The following SLC13A5 variants were observed in gnomAD, a reference collection of about 807,000 sequenced individuals.
The protein encoded by SLC13A5 is solute carrier family 13 member 5.
A neutral mutation model predicts 56.5 loss-of-function variants in SLC13A5; 25 were observed. That is an observed-to-expected ratio of 0.44 (90% CI 0.32 to 0.62). The LOEUF (loss-of-function observed/expected upper bound fraction) is 0.62, where lower values mean the gene tolerates loss of function less well. SLC13A5 is among the 20% of genes least tolerant of loss of function. SLC13A5 has a pLI of 0.04. For synonymous variants in SLC13A5, 307 were observed against 301.5 expected (o/e 1.02, Z -0.19); for missense variants, 649 against 737.8 (o/e 0.88, Z 1.39).
chr17:6,695,121 A>C (rs1330496858), intron 7 of SLC13A5, among the ~76,000 whole-genome samples: 1 of 152,172 alleles, frequency 6.6e-6, no homozygotes, highest in Non-Finnish European at 1.5e-5. Context: ...AATCTCTCTC[A>C]TCACAGCTCT....
chr17:6,703,231 A>T, intron 4 of SLC13A5, 93 bp from the exon 5 acceptor site: 1 of 1,487,818 alleles, frequency 6.7e-7, no homozygotes, highest in African/African-American at 1.4e-5. Context: ...GAGGATTGGG[A>T]AATCCCAGCT....
At chr17:6,704,890 C>T (rs1488361097) in intron 3 of SLC13A5, 2 of 153,430 alleles carry the variant, frequency 1.3e-5, no homozygotes, top group Non-Finnish European at 2.9e-5. Flanking sequence ...GGGTTCAAAG[C>T]ACCTGTTTCC....
At position 6,711,506 on chromosome 17, in the gene SLC13A5, GTA is replaced by G. The variant is rs1491380708; in HGVS notation, c.102+1724_102+1725del. ...TCAGGGTGTGTGTGTGTGTGTGTGT[GTA>G]TGTGTATGTGTGTGTTTGTGTTTTT... is the stretch of plus-strand genomic sequence containing the variant. On this transcript the variant is annotated intron_variant, in intron 1 of 11. Coordinates refer to ENST00000433363, the MANE Select transcript of SLC13A5 (RefSeq NM_177550.5). The surrounding 1 kb of genome is among the most constrained non-coding windows in gnomAD (Gnocchi z 4.0). 7.0e-5 allele frequency among the ~76,000 whole-genome samples: 8 copies of G among 114,816 alleles called. No individual in the cohort carries two copies. Among genetic ancestry groups the G allele is most frequent in the African/African-American group, 1.3e-4 (2 of 16,000 alleles). 75.3% of individuals were successfully genotyped at this position (114,816 alleles called of 152,430 possible). A position where few individuals can be genotyped will look rare whatever the true frequency, so the allele number is the denominator to read the frequency against.
Position 6,701,228 on chromosome 17 carries a change from C to T in SLC13A5, c.717-102G>A. ...AGCAGCTGGGCCCTGAGAGGCGCGC[C>T]TGTGTGGAGGCCACATCCTCCTGAG... On this transcript the variant is annotated intron_variant, in intron 5 of 11. Coordinates refer to ENST00000433363, the MANE Select transcript of SLC13A5 (RefSeq NM_177550.5). This position sits in a 1 kb window ranked among gnomAD's most constrained non-coding sequence, Gnocchi z 4.1. 6.6e-7 allele frequency: 1 copy of T among 1,509,714 alleles called. No individual in the cohort carries two copies. 93.5% of individuals were successfully genotyped at this position (1,509,714 alleles called of 1,614,324 possible). A position where few individuals can be genotyped will look rare whatever the true frequency, so the allele number is the denominator to read the frequency against.
intron 4 of SLC13A5, 88 bp from the exon 5 acceptor site, chr17:6,703,226 T>C (rs1379176401): frequency 6.6e-6 from 10 of 1,518,684 alleles, no homozygotes; most frequent in Non-Finnish European, 9.0e-6. Flanking sequence ...GACCTGAGGA[T>C]TGGGAAATCC....
At chr17:6,699,063 A>G (rs1973636562) in intron 6 of SLC13A5, among the ~76,000 whole-genome samples, 1 of 138,154 alleles carries the variant, frequency 7.2e-6, no homozygotes, top group African/African-American at 2.7e-5. Flanking sequence ...AAATAAATAA[A>G]TAAATAAATA....
At position 6,693,178 on chromosome 17, in the gene SLC13A5, AACACACACACACACACACAC is replaced by A. The variant is rs200900896; in HGVS notation, c.1157-36_1157-17del. 550 of 697,874 alleles carry A rather than the reference AACACACACACACACACACAC, an allele frequency of 7.9e-4. No individual in the cohort carries two copies. In the East Asian group the frequency reaches 0.01, roughly 13 times the overall value. 43.2% of individuals were successfully genotyped at this position (697,874 alleles called of 1,614,324 possible). A position where few individuals can be genotyped will look rare whatever the true frequency, so the allele number is the denominator to read the frequency against. On this transcript the variant is annotated splice_polypyrimidine_tract_variant and intron_variant, in intron 8 of 11. Transcript: ENST00000433363. ...GTTTTCCTTTCTGGGAAGAAAAAGA[AACACACACACACACACACAC>A]ACACACACACACACACACACACACA...
At chr17:6,703,256 G>A in intron 4 of SLC13A5, 118 bp from the exon 5 acceptor site, 1 of 1,237,496 alleles carries the variant, frequency 8.1e-7, no homozygotes, top group Non-Finnish European at 1.1e-6. Flanking sequence ...TGATTTAGCT[G>A]CCCCACTGGG....
chr17:6,706,039 T>C (rs1178166113), intron 3 of SLC13A5, among the ~76,000 whole-genome samples: 3 of 152,200 alleles, frequency 2.0e-5, no homozygotes, highest in African/African-American at 7.2e-5. Flanking sequence ...TGGGGCCTTG[T>C]AGACACTCAA....
chr17:6,702,976 A>G lies in SLC13A5; in HGVS notation c.710T>C (p.Met237Thr). The G allele has an allele frequency of 6.2e-7, 1 of 1,614,040 alleles. No individual in the cohort carries two copies. Among genetic ancestry groups the G allele is most frequent in the Non-Finnish European group, 8.5e-7 (1 of 1,179,968 alleles). Residue 237 changes from methionine to threonine, a missense_variant, in exon 5 of 12, where the codon ATG becomes ACG. Met to Thr is a moderately conservative substitution (Grantham distance 81). Transcript: ENST00000433363. ...GGTGCGACCAAGGACTCACTCGTTC[A>G]TCTGGCCCAGGAGCACCACGTTGGG... ...TGPNVVLLGQ[M>T]NELFPDSKDL...
At chr17:6,693,941 C>T (rs1380447463) in intron 8 of SLC13A5, among the ~76,000 whole-genome samples, 156 bp downstream of exon 8, 1 of 152,176 alleles carries the variant, frequency 6.6e-6, no homozygotes, top group Non-Finnish European at 1.5e-5. Flanking sequence ...AATAATACCA[C>T]CGGTGGCTTG....
rs1973269738 is a variant in SLC13A5, at chr17:6,687,026, T to G, written c.1575+503A>C. The stretch of plus-strand genomic sequence containing the variant: ...CTCCCAGCAAAGGTGACAGAGCTAA[T>G]GAAGAGTTCTTCCTCTGACTACATT... On this transcript the variant is annotated intron_variant, in intron 11 of 11. Transcript: ENST00000433363. The surrounding 1 kb of genome is among the most constrained non-coding windows in gnomAD (Gnocchi z 5.0). 1 of 165,446 alleles carries G rather than the reference T, an allele frequency of 6.0e-6. No individual in the cohort carries two copies. The highest frequency in any genetic ancestry group is 1.3e-5 in the Non-Finnish European group (1 of 77,596). The allele number at this position is 165,446 out of a possible 1,614,324, so 10.2% of individuals were successfully genotyped here.
chr17:6,690,080 AAAAAAAAAAAAAAAAC>A (rs1973361888), intron 10 of SLC13A5: 1 of 141,980 alleles, frequency 7.0e-6, no homozygotes, highest in Non-Finnish European at 1.6e-5. Context: ...AAAAAAAAAA[AAAAAAAAAAAAAAAAC>A]CATAGCCACT....
rs1973800843 is a variant in SLC13A5 at position 6,704,137 on chromosome 17, T to C, written c.369-81A>G. ...CCCTGGGAAGCAACTGGGGACTGGG[T>C]CCACCCCTGCAGGGATGCACAGGTG... On this transcript the variant is annotated intron_variant, in intron 3 of 11. Transcript: ENST00000433363. The C allele has an allele frequency of 4.1e-6, 6 of 1,472,588 alleles. No homozygotes were observed. The East Asian group carries it at 1.2e-4, about 30-fold the overall frequency. 91.2% of individuals were successfully genotyped at this position (1,472,588 alleles called of 1,614,324 possible).
At chr17:6,699,250 T>C (rs1046580850) in intron 6 of SLC13A5, among the ~76,000 whole-genome samples, 3 of 152,080 alleles carry the variant, frequency 2.0e-5, no homozygotes, top group Admixed American at 1.3e-4. Context: ...CTGAGAGACC[T>C]GTTCGACGGA....
At chr17:6,686,642 A>C in intron 11 of SLC13A5, 1 of 340,506 alleles carries the variant, frequency 2.9e-6, no homozygotes, top group East Asian at 6.1e-5. Context: ...CACAGAGCCC[A>C]GTGTTCCGTG....
At chr17:6,706,993 C>T in intron 2 of SLC13A5, 35 bp downstream of exon 2, 4 of 1,612,158 alleles carry the variant, frequency 2.5e-6, no homozygotes, top group Non-Finnish European at 2.5e-6. Flanking sequence ...AAGGGGAGAA[C>T]CAGAAAGTCA....
intron 10 of SLC13A5, chr17:6,689,168 T>A (rs1180175034): frequency 6.6e-6 from 1 of 152,234 alleles, no homozygotes; most frequent in Admixed American, 6.5e-5. Context: ...GCAGGTTTAA[T>A]GTTACGGTTC....
chr17:6,693,226 CACA>C, intron 8 of SLC13A5, 64 bp from the exon 9 acceptor site: 2 of 878,558 alleles, frequency 2.3e-6, no homozygotes, highest in South Asian at 3.5e-5. Context: ...CACACACACA[CACA>C]CCAGAGCAGC....
Sources: allele counts gnomAD v4.1 joint callset (sites outside exome capture counted in the v4.1 genomes callset), GRCh38; gene constraint gnomAD v4.1.1; non-coding constraint Gnocchi (gnomAD v3.1); transcripts MANE v1.5; gene names NCBI Gene and HGNC (gene_info 2026-07-23, HGNC 2026-07-21).